Variants in ROS1 observed in about 807,000 individuals in gnomAD.
ROS1 encodes proto-oncogene tyrosine-protein kinase ROS.
Under a neutral mutation model 273.5 loss-of-function variants are expected in ROS1, and 263 were observed. The observed-to-expected ratio is 0.96, with a 90% confidence interval of 0.87 to 1.06. The LOEUF (loss-of-function observed/expected upper bound fraction) is 1.06, where lower values mean the gene tolerates loss of function less well. ROS1 is among the 50% of genes least tolerant of loss of function. ROS1 has a pLI of 0.00. For missense variants in ROS1, 2,833 were observed against 2,751.1 expected (o/e 1.03, Z -0.67); for synonymous variants, 1,008 against 954.1 (o/e 1.06, Z -1.04).
At chr6:117,314,086 C>T (rs182160308) in intron 39 of ROS1, among the ~76,000 whole-genome samples, 295 of 152,096 alleles carry the variant, frequency 1.9e-3, no homozygotes, top group African/African-American at 6.6e-3. Context: ...CTTTTTCATC[C>T]TCTCTTCACT....
rs748812177 is a variant in ROS1, at chr6:117,397,070, G to A, written c.651C>T (p.Pro217=). The change falls in exon 8 of 44, where the codon CCC becomes CCT. Residue 217 remains proline (P), a synonymous_variant. Coordinates refer to ENST00000368507, the MANE Select transcript of ROS1 (RefSeq NM_001378902.1). ...PLIRNIESSS[P]DTVEVSWDPP... ...GATCCCAGCTGACTTCCACAGTGTC[G>A]GGACTTGAGCTCTCAATATTCCTAA... 2.6e-5 allele frequency: 42 copies of A among 1,613,704 alleles called. No individual in the cohort carries two copies. The highest frequency in any genetic ancestry group is 8.3e-5 in the Admixed American group (5 of 59,992).
intron 7 of ROS1, among the ~76,000 whole-genome samples, chr6:117,398,139 C>T (rs1376530699): frequency 6.6e-6 from 1 of 152,130 alleles, no homozygotes; most frequent in Non-Finnish European, 1.5e-5. Flanking sequence ...ATTTCTCCCA[C>T]TGAATTATAA....
chr6:117,337,426 G>A (rs1039868909), intron 31 of ROS1, 86 bp from the exon 32 acceptor site: 1 of 1,005,434 alleles, frequency 9.9e-7, no homozygotes, highest in Non-Finnish European at 1.4e-6. Flanking sequence ...ATAGCAAGTG[G>A]TTAAAATTTA....
intron 39 of ROS1, among the ~76,000 whole-genome samples, chr6:117,316,296 A>T (rs1775914210): frequency 9.1e-6 from 1 of 110,274 alleles, no homozygotes; most frequent in Admixed American, 9.8e-5. Context: ...CACAAGATAC[A>T]TGCGGGGCCT....
In ROS1 at chr6:117,389,495, T is replaced by A. The variant is rs2128704369; in HGVS notation, c.1641A>T (p.Glu547Asp). ...FIVGCDLSHI[E>D]EFGFGNLVIF... is the part of the protein sequence containing the mutation. ...TGACCAAGTTACCAAACCCAAATTC[T>A]TCTATGTGACTCAGGTCACATCCCA... Residue 547 changes from glutamate to aspartate, a missense_variant, in exon 13 of 44, where the codon GAA (glutamate) becomes GAT (aspartate). Coordinates refer to ENST00000368507, the MANE Select transcript of ROS1 (RefSeq NM_001378902.1). The A allele has an allele frequency of 6.2e-7, 1 of 1,614,172 alleles. No homozygotes were observed. The highest frequency in any genetic ancestry group is 2.2e-5 in the East Asian group (1 of 44,872).
chr6:117,376,359 C>T (rs181879671), intron 18 of ROS1, among the ~76,000 whole-genome samples: 1 of 151,964 alleles, frequency 6.6e-6, no homozygotes, highest in African/African-American at 2.4e-5. Context: ...AATTTGTAAT[C>T]AAATAATTTT....
At chr6:117,350,870 C>T (rs1016423021) in intron 27 of ROS1, among the ~76,000 whole-genome samples, 3 of 152,070 alleles carry the variant, frequency 2.0e-5, no homozygotes, top group Middle Eastern at 3.2e-3. Flanking sequence ...TCTTTGCTCA[C>T]ATTGACCATC....
chr6:117,358,607 G>A (rs540742632), intron 24 of ROS1, among the ~76,000 whole-genome samples: 12 of 151,858 alleles, frequency 7.9e-5, no homozygotes, highest in Non-Finnish European at 1.3e-4. Context: ...CTACAGGTGC[G>A]CACCACCACG....
chr6:117,421,017 G>A (rs868378112), intron 1 of ROS1, among the ~76,000 whole-genome samples: 3 of 150,164 alleles, frequency 2.0e-5, no homozygotes, highest in Middle Eastern at 6.9e-3. Context: ...CATGAAAATA[G>A]AAGTTTACCT....
At chr6:117,397,139 A>T (rs2128717033) in intron 7 of ROS1, 23 bp from the exon 8 acceptor site, 1 of 1,487,252 alleles carries the variant, frequency 6.7e-7, no homozygotes, top group Non-Finnish European at 9.3e-7. Flanking sequence ...ATGGTGACAT[A>T]ATGAGCAGAA....
At position 117,310,279 on chromosome 6, in the gene ROS1, T is replaced by C. The variant is rs774960557; in HGVS notation, c.6218A>G (p.Asp2073Gly). 2 of 1,597,204 alleles carry C rather than the reference T, an allele frequency of 1.3e-6. No homozygotes were observed. The highest frequency in any genetic ancestry group is 1.7e-6 in the Non-Finnish European group (2 of 1,169,794). Residue 2073 changes from aspartate to glycine, a missense_variant and splice_region_variant, in exon 41 of 44, where the codon GAT becomes GGT. Coordinates refer to ENST00000368507, the MANE Select transcript of ROS1 (RefSeq NM_001378902.1). ...YLERMHFIHRDLAARNCLVSV... is the reference protein window; with the variant it reads ...YLERMHFIHRGLAARNCLVSV... The stretch of plus-strand genomic sequence containing the variant: ...AACAAGGCAATTTCTAGCTGCCAGA[T>C]CCCTGTGGCAGAAGTTATATTTAAT...
intron 31 of ROS1, among the ~76,000 whole-genome samples, 168 bp from the exon 32 acceptor site, chr6:117,337,508 C>T (rs958586070): frequency 6.6e-6 from 1 of 152,082 alleles, no homozygotes; most frequent in African/African-American, 2.4e-5. Flanking sequence ...TGCCTATAGT[C>T]GTTTTGCTTT....
At chr6:117,337,898 C>G (rs975656890) in intron 31 of ROS1, among the ~76,000 whole-genome samples, 1 of 151,960 alleles carries the variant, frequency 6.6e-6, no homozygotes, top group East Asian at 1.9e-4. Flanking sequence ...GCCTACATAG[C>G]CAAAAGAAGA....
At chr6:117,396,620 T>C (rs567016656) in intron 8 of ROS1, among the ~76,000 whole-genome samples, 3 of 152,378 alleles carry the variant, frequency 2.0e-5, no homozygotes, top group African/African-American at 4.8e-5. Context: ...CTTACTTTTT[T>C]CATATTGGAT....
chr6:117,333,231 A>C (rs1777225321), intron 32 of ROS1, among the ~76,000 whole-genome samples: 1 of 152,218 alleles, frequency 6.6e-6, no homozygotes, highest in Non-Finnish European at 1.5e-5. Context: ...TTCTATGCAA[A>C]TAAACTAGAA....
intron 18 of ROS1, among the ~76,000 whole-genome samples, chr6:117,367,918 C>A (rs766005661): frequency 9.2e-5 from 14 of 152,140 alleles, no homozygotes; most frequent in Admixed American, 2.6e-4. Context: ...AAGGCATGGT[C>A]TGTTGAATTT....
At chr6:117,340,014 T>C (rs1777804158) in intron 31 of ROS1, among the ~76,000 whole-genome samples, 1 of 152,160 alleles carries the variant, frequency 6.6e-6, no homozygotes, top group South Asian at 2.1e-4. Context: ...TTTTCCCATT[T>C]CATTTCTTTG....
intron 5 of ROS1, among the ~76,000 whole-genome samples, chr6:117,406,305 T>C (rs542327913): frequency 6.6e-6 from 1 of 151,680 alleles, no homozygotes; most frequent in Non-Finnish European, 1.5e-5. Context: ...TGAAAAGAGA[T>C]ATGGGAGGTA....
At chr6:117,342,352 A>G (rs764516032) in intron 29 of ROS1, 48 bp downstream of exon 29, 2 of 1,550,318 alleles carry the variant, frequency 1.3e-6, no homozygotes, top group East Asian at 2.3e-5. Flanking sequence ...CACAGCACAT[A>G]TATCACAATA....
Sources: gnomAD v4.1 joint callset for allele counts (sites outside exome capture counted in the v4.1 genomes callset) on GRCh38, gnomAD v4.1.1 for gene constraint, MANE v1.5 for transcripts, NCBI Gene and HGNC (gene_info 2026-07-23, HGNC 2026-07-21) for gene names.